Variants in BTRC observed in about 807,000 individuals in gnomAD.
BTRC encodes F-box/WD repeat-containing protein 1A.
A neutral mutation model predicts 85.5 loss-of-function variants in BTRC; 42 were observed. That is an observed-to-expected ratio of 0.49 (90% CI 0.38 to 0.64). The LOEUF (loss-of-function observed/expected upper bound fraction) is 0.64, where lower values mean the gene tolerates loss of function less well. Among genes scored for constraint, BTRC ranks in the 30% least tolerant of loss-of-function variants. The probability of loss-of-function intolerance (pLI) is 0.00; values close to 1 mark genes in which losing one functional copy is unlikely to be tolerated. For synonymous variants in BTRC, 255 were observed against 263.3 expected (o/e 0.97, Z 0.30); for missense variants, 594 against 743.5 (o/e 0.80, Z 2.34).
At chr10:101,436,794 T>C (rs1944544369) in intron 2 of BTRC, among the ~76,000 whole-genome samples, 1 of 152,182 alleles carries the variant, frequency 6.6e-6, no homozygotes. Flanking sequence ...TGAAATTGTA[T>C]TGAATTCAGG....
intron 13 of BTRC, among the ~76,000 whole-genome samples, chr10:101,542,274 T>C (rs945629953): frequency 9.9e-5 from 15 of 152,094 alleles, no homozygotes; most frequent in African/African-American, 1.4e-4. Context: ...TTTGGTTTCA[T>C]TGATTTTTTT....
intron 1 of BTRC, among the ~76,000 whole-genome samples, chr10:101,388,183 G>A (rs1398442508): frequency 6.6e-6 from 1 of 151,612 alleles, no homozygotes. Context: ...TTTGTTTAGA[G>A]GAGAATCTTG....
intron 1 of BTRC, among the ~76,000 whole-genome samples, chr10:101,428,164 G>A (rs7082055): frequency 0.29 from 43,615 of 152,002 alleles, 7,477 homozygotes; most frequent in Middle Eastern, 0.46. Flanking sequence ...ACAGGGAGAA[G>A]GAAATTATAA....
At chr10:101,455,562 AG>A (rs1490013308) in intron 2 of BTRC, among the ~76,000 whole-genome samples, 1 of 152,206 alleles carries the variant, frequency 6.6e-6, no homozygotes, top group Non-Finnish European at 1.5e-5. Flanking sequence ...TTCTCAGAGA[AG>A]GTATCATTTT....
In BTRC at chr10:101,435,438, A is replaced by G. The variant is rs576650768; in HGVS notation, c.156+4986A>G. ...GCCTATTCTTGAACTTACTTCATAT[A>G]AATGCCATCATATAGTGTACATTCT... On this transcript the variant is annotated intron_variant, in intron 2 of 14. Coordinates refer to ENST00000370187, the MANE Select transcript of BTRC (RefSeq NM_033637.4). Among the ~76,000 whole-genome samples the G allele has an allele frequency of 9.7e-4, 147 of 152,324 alleles. 3 individuals are homozygous for G. The South Asian group carries it at 0.029, about 30-fold the overall frequency.
At chr10:101,474,250 C>T (rs1477651338) in intron 3 of BTRC, among the ~76,000 whole-genome samples, 3 of 152,118 alleles carry the variant, frequency 2.0e-5, no homozygotes, top group East Asian at 1.9e-4. Flanking sequence ...GATTAAATTA[C>T]TGGCTGATCA....
chr10:101,399,654 G>A lies in BTRC; in HGVS notation c.49-30691G>A, dbSNP rs1431843120. Among the ~76,000 whole-genome samples the A allele has an allele frequency of 2.6e-5, 4 of 152,190 alleles. No homozygotes were observed. The East Asian group carries it at 7.7e-4, about 29-fold the overall frequency. On this transcript the variant is annotated intron_variant, in intron 1 of 14. Transcript: ENST00000370187. ...GATTTTAATAGATTTGCAAACAGAA[G>A]TTTGCAAGCAGAAGTTTGTAAATCT...
intron 13 of BTRC, among the ~76,000 whole-genome samples, chr10:101,544,241 GTTTA>G (rs1219207817): frequency 6.6e-6 from 1 of 152,114 alleles, no homozygotes; most frequent in Non-Finnish European, 1.5e-5. Flanking sequence ...AAAAAAGAGA[GTTTA>G]TTTTTACCCA....
chr10:101,491,710 G>A (rs1173960711), intron 4 of BTRC, among the ~76,000 whole-genome samples: 2 of 150,976 alleles, frequency 1.3e-5, no homozygotes, highest in African/African-American at 4.9e-5. Flanking sequence ...AAAAAAAAAA[G>A]TCTCTTAAGG....
intron 1 of BTRC, among the ~76,000 whole-genome samples, chr10:101,382,861 A>G (rs1942970920): frequency 6.6e-6 from 1 of 152,016 alleles, no homozygotes; most frequent in South Asian, 2.1e-4. Flanking sequence ...CATGGGCTTT[A>G]TCCTCTTTAT....
chr10:101,484,638 A>G (rs1432235465), intron 4 of BTRC, among the ~76,000 whole-genome samples: 3 of 152,186 alleles, frequency 2.0e-5, no homozygotes, highest in Admixed American at 2.0e-4. Flanking sequence ...GTAGCATGTC[A>G]TATGGTCCGT....
intron 1 of BTRC, among the ~76,000 whole-genome samples, chr10:101,364,354 G>A (rs1358682575): frequency 6.6e-6 from 1 of 152,092 alleles, no homozygotes; most frequent in Non-Finnish European, 1.5e-5. Flanking sequence ...GAAAAGTTCA[G>A]CAATATCATG....
At chr10:101,453,200 T>C (rs1476393221) in intron 2 of BTRC, among the ~76,000 whole-genome samples, 2 of 152,240 alleles carry the variant, frequency 1.3e-5, no homozygotes, top group Non-Finnish European at 2.9e-5. Context: ...AATTTACCAT[T>C]GAAGTTCACT....
At chr10:101,416,012 A>G (rs1288568626) in intron 1 of BTRC, among the ~76,000 whole-genome samples, 2 of 152,098 alleles carry the variant, frequency 1.3e-5, no homozygotes, top group African/African-American at 4.8e-5. Flanking sequence ...AGTACCTTCT[A>G]GATTTGTGTA....
intron 4 of BTRC, among the ~76,000 whole-genome samples, chr10:101,492,302 A>G (rs1348795234): frequency 5.9e-5 from 9 of 152,340 alleles, no homozygotes; most frequent in Admixed American, 4.6e-4. Flanking sequence ...AGAGAAAACC[A>G]TGTTTAAAAA....
intron 2 of BTRC, among the ~76,000 whole-genome samples, chr10:101,457,806 A>G (rs566774944): frequency 6.6e-6 from 1 of 152,138 alleles, no homozygotes; most frequent in Non-Finnish European, 1.5e-5. Flanking sequence ...TTAACATTTT[A>G]TTATGGATTT....
Position 101,547,991 on chromosome 10 carries a change from G to A in BTRC, c.1657-2708G>A, listed in dbSNP as rs1457524449. Among the ~76,000 whole-genome samples, 2 of 152,182 alleles carry A rather than the reference G, an allele frequency of 1.3e-5. 1 individual carries two copies. The highest frequency in any genetic ancestry group is 2.9e-5 in the Non-Finnish European group (2 of 68,036). ...AAAAACTCTCAGCAAACAAGGGATAGAGAGGCTTTTCCTCAACTTCATAAA... is the reference window on the plus strand; with the variant it reads ...AAAAACTCTCAGCAAACAAGGGATAAAGAGGCTTTTCCTCAACTTCATAAA... On this transcript the variant is annotated intron_variant, in intron 13 of 14. Coordinates refer to ENST00000370187, the MANE Select transcript of BTRC (RefSeq NM_033637.4).
chr10:101,354,366 G>T, intron 1 of BTRC, 138 bp downstream of exon 1: 1 of 984,064 alleles, frequency 1.0e-6, no homozygotes, highest in Non-Finnish European at 1.4e-6. Context: ...GGAGGGATGG[G>T]ATGGGAGCTC....
chr10:101,367,006 T>TTA lies in BTRC; in HGVS notation c.48+12788_48+12789dup, dbSNP rs376110145. On this transcript the variant is annotated intron_variant, in intron 1 of 14. Coordinates refer to ENST00000370187, the MANE Select transcript of BTRC (RefSeq NM_033637.4). Reference sequence around the variant, plus strand: ...TATTTATATATATTAATATATATATTTATATATATATTTATATTTATATAT... The same window carrying TTA: ...TATTTATATATATTAATATATATATTTATATATATATATTTATATTTATATAT... Among the ~76,000 whole-genome samples the TTA allele has an allele frequency of 1.0e-4, 4 of 40,124 alleles. No homozygotes were observed. In the East Asian group the frequency reaches 1.2e-3, roughly 12 times the overall value. The allele number at this position is 40,124 out of a possible 152,430, so 26.3% of individuals were successfully genotyped here.
Sources: allele counts gnomAD v4.1 joint callset (sites outside exome capture counted in the v4.1 genomes callset), GRCh38; gene constraint gnomAD v4.1.1; transcripts MANE v1.5; gene names NCBI Gene and HGNC (gene_info 2026-07-23, HGNC 2026-07-21).